ZMAT4: variants seen among roughly 807,000 people sequenced by gnomAD.
ZMAT4 encodes zinc finger matrin-type 4.
In ZMAT4, 17 loss-of-function variants were observed where a neutral mutation model predicts 28.7. The ratio of observed to expected loss-of-function variants is 0.59; its 90% CI spans 0.41 to 0.89. The LOEUF is 0.89. ZMAT4 is among the 40% of genes least tolerant of loss of function. The pLI, the probability that ZMAT4 is intolerant of heterozygous loss-of-function variation, is 0.00. For missense variants in ZMAT4, 240 were observed against 283.8 expected (o/e 0.85, Z 1.11); for synonymous variants, 117 against 109.2 (o/e 1.07, Z -0.44).
In ZMAT4 at chr8:40,572,609, T is replaced by A. The variant is rs374151889; in HGVS notation, c.674+8556A>T. ...TTGTTCATTAATCTATGGTACATAC[T>A]CACAGTGCGTTTACATTTTATTTTA... On this transcript the variant is annotated intron_variant, in intron 6 of 6. Transcript: ENST00000297737. 8.5e-5 allele frequency among the ~76,000 whole-genome samples: 13 copies of A among 152,296 alleles called. No individual in the cohort carries two copies. The East Asian group carries it at 2.5e-3, about 29-fold the overall frequency.
chr8:40,570,227 G>C (rs911272385), intron 6 of ZMAT4, among the ~76,000 whole-genome samples: 1 of 152,140 alleles, frequency 6.6e-6, no homozygotes, highest in African/African-American at 2.4e-5. Context: ...GCTGTGATGG[G>C]GGTAGGAAAT....
chr8:40,546,808 A>G (rs2118404011), intron 6 of ZMAT4, among the ~76,000 whole-genome samples: 1 of 152,296 alleles, frequency 6.6e-6, no homozygotes, highest in South Asian at 2.1e-4. Context: ...GTAGAAATGT[A>G]GTTTATGTGT....
chr8:40,545,951 A>AC (rs1252537136), intron 6 of ZMAT4, among the ~76,000 whole-genome samples: 1 of 8,826 alleles, frequency 1.1e-4, no homozygotes, highest in Non-Finnish European at 1.6e-4. Flanking sequence ...GAAGCCCAGT[A>AC]AAAAAAAAAA....
intron 1 of ZMAT4, among the ~76,000 whole-genome samples, chr8:40,896,959 T>C (rs1347047712): frequency 6.7e-6 from 1 of 149,780 alleles, no homozygotes; most frequent in African/African-American, 2.5e-5. Flanking sequence ...CTCTATCCCG[T>C]TTTTTGGCTT....
chr8:40,840,087 G>A (rs1816648539), intron 1 of ZMAT4, among the ~76,000 whole-genome samples: 3 of 152,190 alleles, frequency 2.0e-5, no homozygotes, highest in South Asian at 4.1e-4. Flanking sequence ...TCTTGTGGTG[G>A]ACAAGGGAGA....
chr8:40,804,611 TG>T (rs1386897319), intron 2 of ZMAT4, among the ~76,000 whole-genome samples: 2 of 152,062 alleles, frequency 1.3e-5, no homozygotes, highest in Non-Finnish European at 2.9e-5. Context: ...GAGGCCAAAG[TG>T]GGCAGATCAC....
intron 5 of ZMAT4, among the ~76,000 whole-genome samples, chr8:40,591,049 G>A (rs938568442): frequency 6.6e-6 from 1 of 152,134 alleles, no homozygotes; most frequent in African/African-American, 2.4e-5. Flanking sequence ...TCATCTGTTT[G>A]TGGTGAGGAG....
At chr8:40,821,296 G>A (rs1815820490) in intron 2 of ZMAT4, among the ~76,000 whole-genome samples, 1 of 152,066 alleles carries the variant, frequency 6.6e-6, no homozygotes, top group Admixed American at 6.5e-5. Flanking sequence ...CCCCCGTAAC[G>A]CTTAGGCCCT....
At chr8:40,797,231 C>T (rs1026135837) in intron 2 of ZMAT4, among the ~76,000 whole-genome samples, 1 of 152,194 alleles carries the variant, frequency 6.6e-6, no homozygotes, top group East Asian at 1.9e-4. Flanking sequence ...TAGCCACTAA[C>T]ACCAAAAAAA....
At chr8:40,893,197 G>C (rs376318158) in intron 1 of ZMAT4, among the ~76,000 whole-genome samples, 8 of 152,158 alleles carry the variant, frequency 5.3e-5, no homozygotes, top group African/African-American at 9.6e-5. Flanking sequence ...AACATCTTCC[G>C]AGCTGCCCTC....
chr8:40,683,459 GTATTTTAACA>G, intron 4 of ZMAT4, among the ~76,000 whole-genome samples: 1 of 152,304 alleles, frequency 6.6e-6, no homozygotes, highest in East Asian at 1.9e-4. Flanking sequence ...AATCTGTAAG[GTATTTTAACA>G]TTTTGAGGAA....
At chr8:40,764,512 G>C (rs1195745960) in intron 3 of ZMAT4, among the ~76,000 whole-genome samples, 1 of 151,910 alleles carries the variant, frequency 6.6e-6, no homozygotes, top group African/African-American at 2.4e-5. Context: ...TTCATACATG[G>C]TCAGGGTGTG....
chr8:40,729,979 G>T (rs1213974760), intron 3 of ZMAT4, among the ~76,000 whole-genome samples: 1 of 152,178 alleles, frequency 6.6e-6, no homozygotes, highest in African/African-American at 2.4e-5. Context: ...CAATATATTT[G>T]AGTAACCATA....
chr8:40,761,792 T>C (rs1812953082), intron 3 of ZMAT4, among the ~76,000 whole-genome samples: 1 of 152,206 alleles, frequency 6.6e-6, no homozygotes, highest in Non-Finnish European at 1.5e-5. Context: ...CACGACAGAA[T>C]ACTTGACACA....
At chr8:40,755,538 C>T (rs562936595) in intron 3 of ZMAT4, among the ~76,000 whole-genome samples, 14 of 152,166 alleles carry the variant, frequency 9.2e-5, no homozygotes, top group African/African-American at 2.4e-4. Context: ...CTGCAACCTC[C>T]GCCTCCCGGG....
rs1385151455 is a variant in ZMAT4 at position 40,824,591 on chromosome 8, G to A, written c.102+984C>T. ...CCGCAGCACTCCAGCCTGGATGACTGAGTGAGACGCTATCTCAGAAAGAAA... is the reference window on the plus strand; with the variant it reads ...CCGCAGCACTCCAGCCTGGATGACTAAGTGAGACGCTATCTCAGAAAGAAA... On this transcript the variant is annotated intron_variant, in intron 2 of 6. Coordinates refer to ENST00000297737, the MANE Select transcript of ZMAT4 (RefSeq NM_024645.3). 3.3e-5 allele frequency among the ~76,000 whole-genome samples: 5 copies of A among 149,612 alleles called. No individual in the cohort carries two copies. The East Asian group carries it at 1.0e-3, about 30-fold the overall frequency.
chr8:40,725,891 A>G (rs999951846), intron 3 of ZMAT4, among the ~76,000 whole-genome samples: 1 of 151,766 alleles, frequency 6.6e-6, no homozygotes, highest in Non-Finnish European at 1.5e-5. Context: ...AACTGATAAT[A>G]GTATTCTAAA....
At position 40,651,772 on chromosome 8, in the gene ZMAT4, A is replaced by C. The variant is rs551376054; in HGVS notation, c.577+22932T>G. ...GAACAGAACAGAGCCCTCAGAAATAACGCCGCATATCTACAACTATCTGAT... is the reference window on the plus strand; with the variant it reads ...GAACAGAACAGAGCCCTCAGAAATACCGCCGCATATCTACAACTATCTGAT... On this transcript the variant is annotated intron_variant, in intron 5 of 6. Transcript: ENST00000297737. 3.0e-3 allele frequency among the ~76,000 whole-genome samples: 443 copies of C among 148,962 alleles called. 2 individuals carry two copies. The highest frequency in any genetic ancestry group is 4.3e-3 in the Non-Finnish European group (286 of 67,000).
At chr8:40,699,230 G>A (rs1048234422) in intron 3 of ZMAT4, among the ~76,000 whole-genome samples, 1 of 152,092 alleles carries the variant, frequency 6.6e-6, no homozygotes, top group African/African-American at 2.4e-5. Flanking sequence ...CCCATTAAAT[G>A]AGGAGTAGAT....
Sources: allele counts gnomAD v4.1 joint callset (sites outside exome capture counted in the v4.1 genomes callset), GRCh38; gene constraint gnomAD v4.1.1; transcripts MANE v1.5; gene names NCBI Gene and HGNC (gene_info 2026-07-23, HGNC 2026-07-21).